NBEAL2: variants seen among roughly 807,000 people sequenced by gnomAD.
NBEAL2 encodes neurobeachin like 2, also known as neurobeachin-like protein 2.
In NBEAL2, 160 loss-of-function variants were observed where a neutral mutation model predicts 299.8. That is an observed-to-expected ratio of 0.53 (90% CI 0.47 to 0.61). The LOEUF (loss-of-function observed/expected upper bound fraction) is 0.61, where lower values mean the gene tolerates loss of function less well. NBEAL2 is among the 20% of genes least tolerant of loss of function. The pLI is 0.00. For synonymous variants in NBEAL2, 1,493 were observed against 1,542.3 expected (o/e 0.97, Z 0.75); for missense variants, 3,112 against 3,649.0 (o/e 0.85, Z 3.79).
At position 46,998,566 on chromosome 3, in the gene NBEAL2, G is replaced by T; in HGVS notation, c.3221+1G>T. 6.2e-7 allele frequency: 1 copy of T among 1,608,318 alleles called. No homozygotes were observed. Among genetic ancestry groups the T allele is most frequent in the Non-Finnish European group, 8.5e-7 (1 of 1,177,572 alleles). On this transcript the variant is annotated splice_donor_variant, in intron 22 of 53. Coordinates refer to ENST00000450053, the MANE Select transcript of NBEAL2 (RefSeq NM_015175.3). LOFTEE classifies it high-confidence loss of function. ...TGGATGCTCTGCGCACCCACTACAG[G>T]TGAGGCCAGTGGGGCCAGATGGGCC...
chr3:46,996,297 C>T lies in NBEAL2; in HGVS notation c.2178C>T (p.Ser726=), dbSNP rs748390211. 2.1e-5 allele frequency: 33 copies of T among 1,609,066 alleles called. No homozygotes were observed. Among genetic ancestry groups the T allele is most frequent in the South Asian group, 1.3e-4 (12 of 91,084 alleles). The change falls in exon 16 of 54, where the codon TCC becomes TCT. Residue 726 remains serine (S), a synonymous_variant. Transcript: ENST00000450053. The part of the protein sequence containing the change: ...SEPFSSCCIG[S]AGYRTTTTTT... ...CTTTCTCCTCCTGCTGTATCGGCTC[C>T]GCTGGATACCGCACAACGACCACCA...
intron 47 of NBEAL2, 80 bp from the exon 48 acceptor site, chr3:47,007,445 A>G: frequency 6.4e-7 from 1 of 1,558,392 alleles, no homozygotes; most frequent in Non-Finnish European, 8.7e-7. Context: ...CTGCAGGGGA[A>G]AGGTCTGGCC....
In NBEAL2 at chr3:46,995,953, G is replaced by A; in HGVS notation, c.2053G>A (p.Val685Met). 4 of 1,613,362 alleles carry A rather than the reference G, an allele frequency of 2.5e-6. No homozygotes were observed. The highest frequency in any genetic ancestry group is 1.1e-5 in the South Asian group (1 of 91,026). The change falls in exon 15 of 54, where the codon GTG becomes ATG. Residue 685 changes from valine (V) to methionine (M), a missense_variant. By Grantham distance (21) the Val-to-Met change is conservative. Transcript: ENST00000450053. ...SAWHCVAIVHVPGRRPFSQNL... is the reference protein window; with the variant it reads ...SAWHCVAIVHMPGRRPFSQNL... The stretch of plus-strand genomic sequence containing the variant: ...CTAGCACTGCGTGGCTATCGTCCAT[G>A]TGCCTGGGCGCCGGCCCTTCAGCCA...
chr3:46,993,969 C>T lies in NBEAL2; in HGVS notation c.1146C>T (p.Val382=), dbSNP rs749449056. ...ACCAAGACACAGACGCCATTGCAGT[C>T]CATGTAGTCAGAGTGCTGACCTGCA... ...VLDQDTDAIA[V]HVVRVLTCIM... The change falls in exon 11 of 54, where the codon GTC becomes GTT. Residue 382 remains valine (V), a synonymous_variant. Coordinates refer to ENST00000450053, the MANE Select transcript of NBEAL2 (RefSeq NM_015175.3). 1.2e-5 allele frequency: 20 copies of T among 1,611,782 alleles called. No homozygotes were observed. The highest frequency in any genetic ancestry group is 1.6e-5 in the Non-Finnish European group (19 of 1,179,276).
At chr3:46,986,951 C>G (rs533636934) in intron 1 of NBEAL2, among the ~76,000 whole-genome samples, 6 of 152,200 alleles carry the variant, frequency 3.9e-5, no homozygotes, top group African/African-American at 1.2e-4. Context: ...CGGGAGGAGG[C>G]TGCCAGCAGG....
chr3:47,009,368 C>T lies in NBEAL2; in HGVS notation c.*48C>T. Reference sequence around the variant, plus strand: ...GGCCCCGCCCCCGGCAGGCCTGGCCCGGGAGGCCCCGCCCAGAAGTCGGCG... The same window carrying T: ...GGCCCCGCCCCCGGCAGGCCTGGCCTGGGAGGCCCCGCCCAGAAGTCGGCG... On this transcript the variant is annotated 3_prime_UTR_variant, in exon 54 of 54. Transcript: ENST00000450053. 1.3e-6 allele frequency: 2 copies of T among 1,524,140 alleles called. No homozygotes were observed. The highest frequency in any genetic ancestry group is 1.8e-6 in the Non-Finnish European group (2 of 1,126,516). The allele number at this position is 1,524,140 out of a possible 1,614,324, so 94.4% of individuals were successfully genotyped here.
Position 46,996,934 on chromosome 3 carries a change from G to C in NBEAL2, c.2557-20G>C. 1 of 1,612,254 alleles carries C rather than the reference G, an allele frequency of 6.2e-7. No homozygotes were observed. Among genetic ancestry groups the C allele is most frequent in the Non-Finnish European group, 8.5e-7 (1 of 1,179,114 alleles). Reference sequence around the variant, plus strand: ...CTCCTCCCTCTGACCCTGGCTGCCTGCCCATTCCCCTATCCCTAGGCTTGT... The same window carrying C: ...CTCCTCCCTCTGACCCTGGCTGCCTCCCCATTCCCCTATCCCTAGGCTTGT... On this transcript the variant is annotated intron_variant, in intron 17 of 53. Coordinates refer to ENST00000450053, the MANE Select transcript of NBEAL2 (RefSeq NM_015175.3).
Position 47,000,414 on chromosome 3 carries a change from G to A in NBEAL2, c.4305+10G>A. 2 of 1,560,570 alleles carry A rather than the reference G, an allele frequency of 1.3e-6. No homozygotes were observed. Among genetic ancestry groups the A allele is most frequent in the South Asian group, 2.4e-5 (2 of 81,986 alleles). ...CACCAGCAACCCACAGGTGAGGTGG[G>A]CCCACCCTCTGCCACTGCATGGTAC... is the stretch of plus-strand genomic sequence containing the variant. On this transcript the variant is annotated intron_variant, in intron 27 of 53. Coordinates refer to ENST00000450053, the MANE Select transcript of NBEAL2 (RefSeq NM_015175.3). The surrounding 1 kb of genome is among the most constrained non-coding windows in gnomAD (Gnocchi z 4.5).
Position 47,002,239 on chromosome 3 carries a change from T to C in NBEAL2, c.5102T>C (p.Phe1701Ser). The change falls in exon 31 of 54, where the codon TTC becomes TCC. Residue 1701 changes from phenylalanine (F) to serine (S), a missense_variant. By Grantham distance (155) the Phe-to-Ser change is radical (BLOSUM62 -2). Around this residue, in one of 3 missense-constraint regions of NBEAL2, gnomAD observed 2,243 missense variants for 2,538.1 expected, o/e 0.88. Coordinates refer to ENST00000450053, the MANE Select transcript of NBEAL2 (RefSeq NM_015175.3). The stretch of plus-strand genomic sequence containing the variant: ...GGCAGCCCCACCTTCTTTGAAGACT[T>C]CCAGGCTTTTTGTGCCACACCCGAA... ...TNGSPTFFED[F>S]QAFCATPEWR... 1 of 1,551,310 alleles carries C rather than the reference T, an allele frequency of 6.4e-7. No homozygotes were observed. The highest frequency in any genetic ancestry group is 8.7e-7 in the Non-Finnish European group (1 of 1,146,958).
At position 47,005,639 on chromosome 3, in the gene NBEAL2, A is replaced by G. The variant is rs2037377449; in HGVS notation, c.6691+20A>G. 2 of 1,613,488 alleles carry G rather than the reference A, an allele frequency of 1.2e-6. No homozygotes were observed. Among genetic ancestry groups the G allele is most frequent in the East Asian group, 4.5e-5 (2 of 44,858 alleles). ...AGAACGGTAGGTGTGAGGTGCTCAC[A>G]CTGGAGCGGGCAGGTGTAGGGATGG... On this transcript the variant is annotated intron_variant, in intron 41 of 53. Coordinates refer to ENST00000450053, the MANE Select transcript of NBEAL2 (RefSeq NM_015175.3).
intron 1 of NBEAL2, chr3:46,987,874 G>A (rs1022993357): frequency 2.9e-5 from 13 of 444,226 alleles, no homozygotes; most frequent in Non-Finnish European, 3.6e-5. Context: ...TGGGGCCCAG[G>A]GTGCCCCGGC....
Position 46,998,516 on chromosome 3 carries a change from A to G in NBEAL2, c.3172A>G (p.Lys1058Glu). 2.5e-6 allele frequency: 4 copies of G among 1,613,406 alleles called. No individual in the cohort carries two copies. The highest frequency in any genetic ancestry group is 1.7e-5 in the Admixed American group (1 of 59,984). The change falls in exon 22 of 54, where the codon AAG becomes GAG. Residue 1058 changes from lysine to glutamate, a missense_variant. Around this residue, in one of 3 missense-constraint regions of NBEAL2, gnomAD observed 2,243 missense variants for 2,538.1 expected, o/e 0.88. Coordinates refer to ENST00000450053, the MANE Select transcript of NBEAL2 (RefSeq NM_015175.3). ...IVREHRQKLR[K>E]KYGVQFILDA... ...TCGGGAGCACAGACAGAAGCTGCGG[A>G]AGAAGTACGGCGTCCAGTTTATCTT...
rs931296319 is a variant in NBEAL2, at chr3:47,001,592, C to T, written c.4645-97C>T. 7 of 1,575,914 alleles carry T rather than the reference C, an allele frequency of 4.4e-6. No individual in the cohort carries two copies. In the African/African-American group the frequency reaches 9.4e-5, roughly 21 times the overall value. ...TGTGGACTTGCCTGTGTGCACAAAC[C>T]CTACCTGGCCCCCAGCGCAAACTTT... On this transcript the variant is annotated intron_variant, in intron 29 of 53. Transcript: ENST00000450053. The surrounding 1 kb of genome is among the most constrained non-coding windows in gnomAD (Gnocchi z 6.1).
rs2036076714 is a variant in NBEAL2 at position 46,991,418 on chromosome 3, A to T, written c.655A>T (p.Met219Leu). The part of the protein sequence containing the change: ...VLAGGKENGQ[M>L]AVSDGSVKGL... The stretch of plus-strand genomic sequence containing the variant: ...TCCACACCTGCAGGAGAACGGGCAG[A>T]TGGCTGTAAGTGATGGCTCTGTGAA... Residue 219 changes from methionine (M) to leucine (L), a missense_variant, in exon 8 of 54, where the codon ATG becomes TTG. By Grantham distance (15) the Met-to-Leu change is conservative. Coordinates refer to ENST00000450053, the MANE Select transcript of NBEAL2 (RefSeq NM_015175.3). This position sits in a 1 kb window ranked among gnomAD's most constrained non-coding sequence, Gnocchi z 6.2. 1 of 1,606,238 alleles carries T rather than the reference A, an allele frequency of 6.2e-7. No homozygotes were observed. The highest frequency in any genetic ancestry group is 1.7e-5 in the Admixed American group (1 of 59,282).
Position 46,991,866 on chromosome 3 carries a change from G to A in NBEAL2, c.952G>A (p.Glu318Lys), listed in dbSNP as rs1353367911. ...CGCCATCCCCATGATGCTGGCATGT[G>A]AAGACCGGCCAGTGCTGCAAGCCAC... ...LDAIPMMLAC[E>K]DRPVLQATFL... Residue 318 changes from glutamate to lysine, a missense_variant, in exon 9 of 54, where the codon GAA (glutamate) becomes AAA (lysine). Physicochemically the swap from Glu to Lys is moderately conservative, Grantham distance 56. Around this residue, in one of 3 missense-constraint regions of NBEAL2, gnomAD observed 2,243 missense variants for 2,538.1 expected, o/e 0.88. Transcript: ENST00000450053. This position sits in a 1 kb window ranked among gnomAD's most constrained non-coding sequence, Gnocchi z 6.2. 3 of 1,601,286 alleles carry A rather than the reference G, an allele frequency of 1.9e-6. No individual in the cohort carries two copies. The highest frequency in any genetic ancestry group is 2.6e-6 in the Non-Finnish European group (3 of 1,174,174).
At position 47,008,195 on chromosome 3, in the gene NBEAL2, A is replaced by G. The variant is rs2037603045; in HGVS notation, c.7719+9A>G. On this transcript the variant is annotated intron_variant, in intron 50 of 53. Coordinates refer to ENST00000450053, the MANE Select transcript of NBEAL2 (RefSeq NM_015175.3). The stretch of plus-strand genomic sequence containing the variant: ...CTGTGTCTGGATCTGAGGTGTGTGT[A>G]TGCATGTGCCCTGGGGAGGGTGAGT... 1 of 1,613,846 alleles carries G rather than the reference A, an allele frequency of 6.2e-7. No homozygotes were observed. Among genetic ancestry groups the G allele is most frequent in the Non-Finnish European group, 8.5e-7 (1 of 1,179,822 alleles).
rs921450377 is a variant in NBEAL2 at position 46,995,739 on chromosome 3, T to C, written c.1924T>C (p.Phe642Leu). ...YSFFTSSGSG[F>L]EAFFTAAGTL... ...CTTCTTTACCAGCAGCGGCTCAGGG[T>C]TTGAGGCCTTCTTCACGGCGGCCGG... Residue 642 changes from phenylalanine to leucine, a missense_variant, in exon 14 of 54, where the codon TTT becomes CTT. By Grantham distance (22) the Phe-to-Leu change is conservative. This residue lies in a region of NBEAL2 where 2,243 missense variants were observed against 2,538.1 expected (regional missense o/e 0.88). Transcript: ENST00000450053. 1.9e-6 allele frequency: 3 copies of C among 1,613,504 alleles called. No homozygotes were observed. The highest frequency in any genetic ancestry group is 2.5e-6 in the Non-Finnish European group (3 of 1,179,828).
In NBEAL2 at chr3:47,002,098, C is replaced by G; in HGVS notation, c.4961C>G (p.Ala1654Gly). The G allele has an allele frequency of 1.3e-6, 2 of 1,550,876 alleles. No individual in the cohort carries two copies. The highest frequency in any genetic ancestry group is 3.3e-4 in the Middle Eastern group (2 of 5,984). Residue 1654 changes from alanine (A) to glycine (G), a missense_variant, in exon 31 of 54, where the codon GCT becomes GGT. Coordinates refer to ENST00000450053, the MANE Select transcript of NBEAL2 (RefSeq NM_015175.3). Reference protein sequence around the residue: ...EAGSPLAAAAAAAAAERCSWL... With the variant: ...EAGSPLAAAAGAAAAERCSWL... ...GGGTCCCCACTTGCAGCTGCAGCAGCTGCAGCAGCTGCAGAGCGCTGCTCC... is the reference window on the plus strand; with the variant it reads ...GGGTCCCCACTTGCAGCTGCAGCAGGTGCAGCAGCTGCAGAGCGCTGCTCC...
At chr3:46,993,760 G>GATAGGGTCA (rs1384637284) in intron 10 of NBEAL2, among the ~76,000 whole-genome samples, 177 bp from the exon 11 acceptor site, 1 of 152,186 alleles carries the variant, frequency 6.6e-6, no homozygotes, top group African/African-American at 2.4e-5. Context: ...CCTAGGTCAT[G>GATAGGGTCA]ATAGGGTCAC....
Sources: allele counts gnomAD v4.1 joint callset (sites outside exome capture counted in the v4.1 genomes callset), GRCh38; gene constraint gnomAD v4.1.1; regional missense constraint gnomAD v4.1.1; non-coding constraint Gnocchi (gnomAD v3.1); transcripts MANE v1.5; gene names NCBI Gene and HGNC (gene_info 2026-07-23, HGNC 2026-07-21).